NOS2: variants seen among roughly 807,000 people sequenced by gnomAD.
NOS2 encodes the protein nitric oxide synthase, inducible.
NOS2 carries 96 observed loss-of-function variants against 136.0 expected under a neutral mutation model. The ratio of observed to expected loss-of-function variants is 0.71; its 90% CI spans 0.60 to 0.84. NOS2 has a LOEUF of 0.84. Among genes scored for constraint, NOS2 ranks in the 40% least tolerant of loss-of-function variants. The pLI, the probability that NOS2 is intolerant of heterozygous loss-of-function variation, is 0.00. For missense variants in NOS2, 1,237 were observed against 1,496.9 expected, an observed-to-expected ratio of 0.83 and a Z score of 2.87; for synonymous variants, 539 against 587.5, an observed-to-expected ratio of 0.92 and a Z score of 1.20.
chr17:27,784,161 C>CACACACACACACA lies in NOS2; in HGVS notation c.468-1056_468-1055insTGTGTGTGTGTGT, dbSNP rs3221879. Among the ~76,000 whole-genome samples, 62 of 143,330 alleles carry CACACACACACACA rather than the reference C, an allele frequency of 4.3e-4. 1 individual carries two copies. Among genetic ancestry groups the CACACACACACACA allele is most frequent in the Middle Eastern group, 7.2e-3 (2 of 278 alleles). 94.0% of individuals were successfully genotyped at this position (143,330 alleles called of 152,430 possible). A position where few individuals can be genotyped will look rare whatever the true frequency, so the allele number is the denominator to read the frequency against. Reference sequence around the variant, plus strand: ...ACACACACACACACACACACACACACTACCACCACCACCAACAACAACAAC... The same window carrying CACACACACACACA: ...ACACACACACACACACACACACACACACACACACACACATACCACCACCACCAACAACAACAAC... On this transcript the variant is annotated intron_variant, in intron 5 of 26. Transcript: ENST00000313735.
At chr17:27,792,034 G>C (rs1909208041) in intron 2 of NOS2, among the ~76,000 whole-genome samples, 1 of 152,188 alleles carries the variant, frequency 6.6e-6, no homozygotes, top group Non-Finnish European at 1.5e-5. Flanking sequence ...AGAAGCTTCA[G>C]ACCAGAAACA....
chr17:27,765,139 C>T (rs774437126), intron 20 of NOS2, among the ~76,000 whole-genome samples: 2 of 152,306 alleles, frequency 1.3e-5, no homozygotes, highest in East Asian at 3.9e-4. Flanking sequence ...CATGTACCAC[C>T]ATTCCTGTCT....
At chr17:27,769,197 C>T in intron 16 of NOS2, 46 bp from the exon 17 acceptor site, 2 of 1,549,838 alleles carry the variant, frequency 1.3e-6, no homozygotes, top group Non-Finnish European at 1.7e-6. Context: ...GCAAGCAGCA[C>T]CTGGCACCCA....
In NOS2 at chr17:27,765,736, C is replaced by G; in HGVS notation, c.2247-20G>C. On this transcript the variant is annotated intron_variant, in intron 19 of 26. Transcript: ENST00000313735. The stretch of plus-strand genomic sequence containing the variant: ...GCACGGCTGGGGAAGGAAAATGAAG[C>G]CTCAGGTGACATTGCAGGATTTCCT... 1 of 1,579,174 alleles carries G rather than the reference C, an allele frequency of 6.3e-7. No homozygotes were observed. Among genetic ancestry groups the G allele is most frequent in the Non-Finnish European group, 8.6e-7 (1 of 1,162,324 alleles).
Position 27,787,678 on chromosome 17 carries a change from T to C in NOS2, c.467A>G (p.Glu156Gly), listed in dbSNP as rs1164779274. 2 of 1,611,204 alleles carry C rather than the reference T, an allele frequency of 1.2e-6. No homozygotes were observed. The highest frequency in any genetic ancestry group is 1.7e-6 in the Non-Finnish European group (2 of 1,178,834). The change falls in exon 5 of 27, where the codon GAG (glutamate) becomes GGG (glycine). Residue 156 changes from glutamate to glycine, a missense_variant and splice_region_variant. Physicochemically the swap from Glu to Gly is moderately conservative, Grantham distance 98. This residue lies in a region of NOS2 where 440 missense variants were observed against 545.4 expected (regional missense o/e 0.81). Transcript: ENST00000313735. Reference sequence around the variant, plus strand: ...CGACCCTGCAGGAGGCAAGCCTTACTCTTTGAAGGAGCCGTAATATTGGTT... The same window carrying C: ...CGACCCTGCAGGAGGCAAGCCTTACCCTTTGAAGGAGCCGTAATATTGGTT... ...FVNQYYGSFK[E>G]AKIEEHLARV...
At chr17:27,761,284 T>C in intron 22 of NOS2, 53 bp from the exon 23 acceptor site, 6 of 1,425,748 alleles carry the variant, frequency 4.2e-6, no homozygotes, top group Non-Finnish European at 5.7e-6. Context: ...ATGCGCAAAC[T>C]GTACCAGCTG....
intron 4 of NOS2, 121 bp downstream of exon 4, chr17:27,788,687 AC>A (rs1007423807): frequency 3.1e-5 from 38 of 1,231,646 alleles, no homozygotes; most frequent in South Asian, 1.7e-4. Flanking sequence ...CTGTTCCTAG[AC>A]CCCTTTGCCC....
At chr17:27,800,057 C>T (rs1909482788) in intron 1 of NOS2, among the ~76,000 whole-genome samples, 8 of 152,126 alleles carry the variant, frequency 5.3e-5, no homozygotes, top group Admixed American at 5.2e-4. Flanking sequence ...ATAAGATAAT[C>T]TCTGTTAAAA....
At chr17:27,762,323 G>A (rs1757079810) in intron 22 of NOS2, among the ~76,000 whole-genome samples, 1 of 152,220 alleles carries the variant, frequency 6.6e-6, no homozygotes, top group Non-Finnish European at 1.5e-5. Flanking sequence ...CTGAATAGCT[G>A]AGTGAGTGAA....
rs1355843628 is a variant in NOS2 at position 27,762,999 on chromosome 17, C to G, written c.2599G>C (p.Glu867Gln). The change falls in exon 22 of 27, where the codon GAG becomes CAG. Residue 867 changes from glutamate (E) to glutamine (Q), a missense_variant. By Grantham distance (29) the Glu-to-Gln change is conservative (BLOSUM62 2). Coordinates refer to ENST00000313735, the MANE Select transcript of NOS2 (RefSeq NM_000625.4). ...TTGGTGAACTTCCACTTGCTGTACT[C>G]TGAGGGCTAAAAGCCAAGGGTGATG... ...QRLEALCQPS[E>Q]YSKWKFTNSP... is the part of the protein sequence containing the mutation. 2 of 1,597,864 alleles carry G rather than the reference C, an allele frequency of 1.3e-6. No homozygotes were observed. Among genetic ancestry groups the G allele is most frequent in the East Asian group, 4.5e-5 (2 of 44,546 alleles).
rs1205161069 is a variant in NOS2 at position 27,771,009 on chromosome 17, G to A, written c.1713C>T (p.Cys571=). ...FSCAFNPKVV[C]MDKYRLSCLE... is the part of the protein sequence containing the mutation. ...GGCAGCTCAGCCTGTACTTATCCAT[G>A]CAGACAACCTGGATGGCACCCAAGT... Residue 571 remains cysteine, a synonymous_variant, in exon 15 of 27, where the codon TGC becomes TGT. Coordinates refer to ENST00000313735, the MANE Select transcript of NOS2 (RefSeq NM_000625.4). 8 of 1,612,920 alleles carry A rather than the reference G, an allele frequency of 5.0e-6. No individual in the cohort carries two copies. The highest frequency in any genetic ancestry group is 3.3e-5 in the Admixed American group (2 of 59,988).
Position 27,781,821 on chromosome 17 carries a change from G to A in NOS2, c.722+194C>T, listed in dbSNP as rs532423310. On this transcript the variant is annotated intron_variant, in intron 7 of 26. Transcript: ENST00000313735. ...AAGGAAACCAAGGGCATGGGTTGCC[G>A]ATGGGAGCTGAGCTCACAGGGGCTG... Among the ~76,000 whole-genome samples the A allele has an allele frequency of 5.3e-5, 8 of 152,290 alleles. No homozygotes were observed. The East Asian group carries it at 5.8e-4, about 11-fold the overall frequency.
At chr17:27,760,772 A>G (rs1205276286) in intron 23 of NOS2, 28 bp from the exon 24 acceptor site, 1 of 1,545,024 alleles carries the variant, frequency 6.5e-7, no homozygotes, top group Non-Finnish European at 8.7e-7. Context: ...AGAGGGGGCC[A>G]GTCCTCAGAC....
At chr17:27,773,373 C>T (rs992727028) in intron 12 of NOS2, 130 bp from the exon 13 acceptor site, 1 of 678,506 alleles carries the variant, frequency 1.5e-6, no homozygotes. Context: ...TGCGCCCCAC[C>T]CCTGTCACTG....
intron 2 of NOS2, chr17:27,793,804 C>A: frequency 2.7e-6 from 1 of 374,354 alleles, no homozygotes; most frequent in Non-Finnish European, 4.8e-6. Flanking sequence ...AGCCGAGCAG[C>A]GGCGGGGGCT....
At position 27,789,075 on chromosome 17, in the gene NOS2, C is replaced by T. The variant is rs372758387; in HGVS notation, c.196-144G>A. The T allele has an allele frequency of 2.9e-5, 33 of 1,140,272 alleles. No homozygotes were observed. The East Asian group carries it at 3.0e-4, about 10-fold the overall frequency. The allele number at this position is 1,140,272 out of a possible 1,614,324, so 70.6% of individuals were successfully genotyped here. ...CCCTCCTCTGTTTCCAGCCCCCGGG[C>T]GACCTGGGCCAGTGCCTGCTAAGAG... On this transcript the variant is annotated intron_variant, in intron 3 of 26. Coordinates refer to ENST00000313735, the MANE Select transcript of NOS2 (RefSeq NM_000625.4).
chr17:27,757,165 A>T lies in NOS2; in HGVS notation c.*81T>A. On this transcript the variant is annotated 3_prime_UTR_variant, in exon 27 of 27. Transcript: ENST00000313735. ...GGATATCACTTTCCTCCATCTCCCC[A>T]GGCCCTGTGACCTCAGATAATGCAG... 2.7e-6 allele frequency: 3 copies of T among 1,100,388 alleles called. No individual in the cohort carries two copies. In the South Asian group the frequency reaches 4.1e-5, roughly 15 times the overall value. 68.2% of individuals were successfully genotyped at this position (1,100,388 alleles called of 1,614,324 possible).
intron 2 of NOS2, among the ~76,000 whole-genome samples, chr17:27,794,635 T>C (rs1909294850): frequency 6.6e-6 from 1 of 152,122 alleles, no homozygotes; most frequent in Non-Finnish European, 1.5e-5. Flanking sequence ...GACTTGGTTC[T>C]GAATTCCATG....
At chr17:27,779,318 A>C (rs1001036959) in intron 9 of NOS2, among the ~76,000 whole-genome samples, 125 of 114,804 alleles carry the variant, frequency 1.1e-3, no homozygotes, top group African/African-American at 3.9e-3. Flanking sequence ...TATTATTATT[A>C]TTATTATTAT....
Sources: gnomAD v4.1 joint callset for allele counts (sites outside exome capture counted in the v4.1 genomes callset) on GRCh38, gnomAD v4.1.1 for gene constraint, gnomAD v4.1.1 regional missense constraint, MANE v1.5 for transcripts, NCBI Gene and HGNC (gene_info 2026-07-23, HGNC 2026-07-21) for gene names.